Variants in XIRP2 observed in about 807,000 individuals in gnomAD.
XIRP2 encodes xin actin-binding repeat-containing protein 2.
A neutral mutation model predicts 277.0 loss-of-function variants in XIRP2; 236 were observed. The observed-to-expected ratio is 0.85, with a 90% CI of 0.77 to 0.95. The LOEUF is 0.95. Among genes scored for constraint, XIRP2 ranks in the 40% least tolerant of loss-of-function variants. The probability of loss-of-function intolerance (pLI) is 0.00; values close to 1 mark genes in which losing one functional copy is unlikely to be tolerated. For missense variants in XIRP2, 4,640 were observed against 4,157.5 expected (o/e 1.12, Z -3.19); for synonymous variants, 1,490 against 1,416.5 (o/e 1.05, Z -1.17).
chr2:166,962,995 TAGG>T (rs1686336530), intron 2 of XIRP2, among the ~76,000 whole-genome samples: 1 of 151,580 alleles, frequency 6.6e-6, no homozygotes, highest in South Asian at 2.1e-4. Context: ...TTCAAATAGC[TAGG>T]AGGAGGATAT....
chr2:166,912,410 A>G (rs1017406690), intron 2 of XIRP2, among the ~76,000 whole-genome samples: 1 of 152,174 alleles, frequency 6.6e-6, no homozygotes, highest in African/African-American at 2.4e-5. Context: ...CGGCTATTGA[A>G]GCTTGTGCAT....
At chr2:167,150,751 A>G (rs1212148740) in intron 3 of XIRP2, among the ~76,000 whole-genome samples, 1 of 152,004 alleles carries the variant, frequency 6.6e-6, no homozygotes, top group Non-Finnish European at 1.5e-5. Context: ...AATATATTAA[A>G]TTATTTATAG....
At position 167,035,634 on chromosome 2, in the gene XIRP2, G is replaced by A. The variant is rs183564767; in HGVS notation, c.409-100275G>A. On this transcript the variant is annotated intron_variant, in intron 2 of 10. Transcript: ENST00000409195. ...CAGAGCATAAAAGGTCGGAACATGG[G>A]CAGCCTGACAATGTGATAGAAAAGA... Among the ~76,000 whole-genome samples the A allele has an allele frequency of 1.8e-4, 28 of 152,282 alleles. 1 individual carries two copies. The highest frequency in any genetic ancestry group is 1.6e-3 in the Admixed American group (25 of 15,292).
intron 3 of XIRP2, among the ~76,000 whole-genome samples, chr2:167,189,807 G>T (rs1693273111): frequency 6.6e-6 from 1 of 152,084 alleles, no homozygotes; most frequent in African/African-American, 2.4e-5. Context: ...GTTCAATTCA[G>T]TTCGGACACT....
chr2:167,081,791 G>C (rs1308351519), intron 2 of XIRP2, among the ~76,000 whole-genome samples: 1 of 152,084 alleles, frequency 6.6e-6, no homozygotes, highest in African/African-American at 2.4e-5. Flanking sequence ...GATTTCCTTT[G>C]AATTTCTTAA....
chr2:167,232,861 G>C (rs1694800350), intron 5 of XIRP2, among the ~76,000 whole-genome samples: 1 of 151,848 alleles, frequency 6.6e-6, no homozygotes. Flanking sequence ...CTGGGCCTTA[G>C]ATTTATTTAC....
At chr2:167,184,192 C>A (rs907502805) in intron 3 of XIRP2, among the ~76,000 whole-genome samples, 9 of 152,168 alleles carry the variant, frequency 5.9e-5, no homozygotes, top group African/African-American at 1.9e-4. Context: ...AGGGCCAAGA[C>A]AGATTTCTCA....
Position 167,251,611 on chromosome 2 carries a change from A to G in XIRP2, c.10219A>G (p.Arg3407Gly), listed in dbSNP as rs751668800. 6 of 1,613,556 alleles carry G rather than the reference A, an allele frequency of 3.7e-6. No individual in the cohort carries two copies. The East Asian group carries it at 6.7e-5, about 18-fold the overall frequency. Residue 3407 changes from arginine (R) to glycine (G), a missense_variant, in exon 9 of 11, where the codon AGG (arginine) becomes GGG (glycine). Transcript: ENST00000409195. ...LREKIPVKQP[R>G]ICSETRSLSE... ...AGAAAAGATTCCTGTTAAGCAGCCC[A>G]GGATCTGCTCTGAAACCAGGTCTCT...
Position 167,250,090 on chromosome 2 carries a change from G to C in XIRP2, c.8698G>C (p.Glu2900Gln). ...TAGTCTGCAGGAAGAAAAATGTCTC[G>C]AAGTCAAGGGCATACAAGAGAAACA... ...YNSLQEEKCL[E>Q]VKGIQEKQVF... is the part of the protein sequence containing the mutation. The change falls in exon 9 of 11, where the codon GAA (glutamate) becomes CAA (glutamine). Residue 2900 changes from glutamate (E) to glutamine (Q), a missense_variant. Glu to Gln is a conservative substitution (Grantham distance 29, BLOSUM62 2). Coordinates refer to ENST00000409195, the MANE Select transcript of XIRP2 (RefSeq NM_152381.6). The C allele has an allele frequency of 6.2e-7, 1 of 1,613,428 alleles. No individual in the cohort carries two copies. The highest frequency in any genetic ancestry group is 8.5e-7 in the Non-Finnish European group (1 of 1,179,648).
rs544529913 is a variant in XIRP2 at position 166,920,045 on chromosome 2, G to A, written c.408+16155G>A. Among the ~76,000 whole-genome samples the A allele has an allele frequency of 1.3e-3, 201 of 152,138 alleles. 1 individual carries two copies. Among genetic ancestry groups the A allele is most frequent in the African/African-American group, 3.6e-3 (148 of 41,526 alleles). On this transcript the variant is annotated intron_variant, in intron 2 of 10. Coordinates refer to ENST00000409195, the MANE Select transcript of XIRP2 (RefSeq NM_152381.6). ...GGGCCCACAAATTTTTGAGTTTACCGTTGAATGCCTCGCCTCATGCTAACA... is the reference window on the plus strand; with the variant it reads ...GGGCCCACAAATTTTTGAGTTTACCATTGAATGCCTCGCCTCATGCTAACA...
intron 9 of XIRP2, among the ~76,000 whole-genome samples, chr2:167,252,334 A>C (rs1379801458): frequency 6.6e-6 from 1 of 152,010 alleles, no homozygotes; most frequent in East Asian, 1.9e-4. Flanking sequence ...CCAGGTTTAA[A>C]TGATATTTGC....
rs1172983332 is a variant in XIRP2, at chr2:167,242,968, T to C, written c.1576T>C (p.Ser526Pro). 1.9e-6 allele frequency: 3 copies of C among 1,613,900 alleles called. No homozygotes were observed. Among genetic ancestry groups the C allele is most frequent in the Non-Finnish European group, 2.5e-6 (3 of 1,179,936 alleles). Residue 526 changes from serine to proline, a missense_variant, in exon 9 of 11, where the codon TCT becomes CCT. By Grantham distance (74) the Ser-to-Pro change is moderately conservative. Transcript: ENST00000409195. ...DYISEVSEIV[S>P]SQMNSGSSVS... ...TATCAGTGAAGTTTCTGAGATTGTT[T>C]CTAGTCAAATGAACTCAGGGAGTTC...
intron 2 of XIRP2, among the ~76,000 whole-genome samples, chr2:166,913,379 G>T (rs11883739): frequency 1.2e-3 from 184 of 152,012 alleles, no homozygotes; most frequent in African/African-American, 4.3e-3. Flanking sequence ...AATGAGTGAG[G>T]CTCCGTGGGC....
At chr2:166,985,095 C>T (rs1295182448) in intron 2 of XIRP2, among the ~76,000 whole-genome samples, 1 of 152,162 alleles carries the variant, frequency 6.6e-6, no homozygotes, top group Non-Finnish European at 1.5e-5. Context: ...CCACAACATC[C>T]TGCACAAAAT....
chr2:166,938,210 C>G (rs1032079580), intron 2 of XIRP2, among the ~76,000 whole-genome samples: 59 of 152,232 alleles, frequency 3.9e-4, no homozygotes, highest in African/African-American at 1.4e-3. Flanking sequence ...TAGATCTTTC[C>G]TGCTTTCTCT....
chr2:167,033,094 C>T (rs759979036), intron 2 of XIRP2, among the ~76,000 whole-genome samples: 15 of 152,018 alleles, frequency 9.9e-5, no homozygotes, highest in South Asian at 4.1e-4. Context: ...CACATATACA[C>T]GATGGAATAC....
intron 1 of XIRP2, among the ~76,000 whole-genome samples, chr2:166,892,652 C>G (rs1405479726): frequency 6.6e-6 from 1 of 151,938 alleles, no homozygotes; most frequent in Non-Finnish European, 1.5e-5. Flanking sequence ...CAGGTCCCCA[C>G]AGCAAATATG....
In XIRP2 at chr2:167,247,556, T is replaced by G; in HGVS notation, c.6164T>G (p.Val2055Gly). The G allele has an allele frequency of 6.2e-7, 1 of 1,613,634 alleles. No individual in the cohort carries two copies. The highest frequency in any genetic ancestry group is 8.5e-7 in the Non-Finnish European group (1 of 1,179,754). Residue 2055 changes from valine to glycine, a missense_variant, in exon 9 of 11, where the codon GTT becomes GGT. Coordinates refer to ENST00000409195, the MANE Select transcript of XIRP2 (RefSeq NM_152381.6). ...TCTAATTCACACCATAAATCTAATG[T>G]TTTGGAATCAGGAGACAAAACGGGT... ...RLSNSHHKSN[V>G]LESGDKTGVW...
intron 2 of XIRP2, among the ~76,000 whole-genome samples, chr2:166,962,663 G>A (rs1033640146): frequency 6.6e-6 from 1 of 151,800 alleles, no homozygotes; most frequent in Non-Finnish European, 1.5e-5. Flanking sequence ...CCTTGTTGAA[G>A]TTTATTAATT....
Sources: gnomAD v4.1 joint callset for allele counts (sites outside exome capture counted in the v4.1 genomes callset) on GRCh38, gnomAD v4.1.1 for gene constraint, MANE v1.5 for transcripts, NCBI Gene and HGNC (gene_info 2026-07-23, HGNC 2026-07-21) for gene names.